The following SYN3 variants were observed in gnomAD, a reference collection of about 807,000 sequenced individuals.
The protein encoded by SYN3 is synapsin-3.
In SYN3, 35 loss-of-function variants were observed where a neutral mutation model predicts 65.8. The ratio of observed to expected loss-of-function variants is 0.53; its 90% CI spans 0.41 to 0.70. The LOEUF is 0.70. SYN3 is among the 30% of genes least tolerant of loss of function. The pLI, the probability that SYN3 is intolerant of heterozygous loss-of-function variation, is 0.00. For synonymous variants in SYN3, 270 were observed against 292.9 expected (o/e 0.92, Z 0.80); for missense variants, 680 against 749.0 (o/e 0.91, Z 1.08).
intron 7 of SYN3, among the ~76,000 whole-genome samples, chr22:32,560,129 G>A (rs772076604): frequency 2.0e-4 from 30 of 152,328 alleles, no homozygotes; most frequent in Admixed American, 5.2e-4. Context: ...CAGGGGAGAA[G>A]GAATGCAAGA....
chr22:32,765,378 T>G (rs1271989375), intron 6 of SYN3, among the ~76,000 whole-genome samples: 1 of 152,162 alleles, frequency 6.6e-6, no homozygotes, highest in Non-Finnish European at 1.5e-5. Flanking sequence ...TCCCGGGATA[T>G]CTCTGGCCAA....
At chr22:32,560,314 T>C (rs568090733) in intron 7 of SYN3, among the ~76,000 whole-genome samples, 1 of 152,370 alleles carries the variant, frequency 6.6e-6, no homozygotes, top group Admixed American at 6.5e-5. Context: ...CTTAGGCCTC[T>C]TGGTCGAATT....
chr22:32,617,860 C>G (rs533029605), intron 6 of SYN3, among the ~76,000 whole-genome samples: 1 of 151,582 alleles, frequency 6.6e-6, no homozygotes, highest in Middle Eastern at 3.2e-3. Flanking sequence ...TTGTCAGCTG[C>G]GAGTCTAGGT....
intron 1 of SYN3, among the ~76,000 whole-genome samples, chr22:33,009,105 A>G (rs2053282613): frequency 6.6e-6 from 1 of 152,142 alleles, no homozygotes. Flanking sequence ...GAATGGATGG[A>G]TGGATAAATT....
intron 3 of SYN3, among the ~76,000 whole-genome samples, chr22:32,937,921 T>A (rs1234352903): frequency 6.6e-6 from 1 of 151,902 alleles, no homozygotes; most frequent in African/African-American, 2.4e-5. Context: ...ATATGAGTAA[T>A]TAAAGTCTCA....
At chr22:32,823,616 A>T (rs949888653) in intron 6 of SYN3, among the ~76,000 whole-genome samples, 4 of 152,162 alleles carry the variant, frequency 2.6e-5, no homozygotes, top group Non-Finnish European at 5.9e-5. Flanking sequence ...TGCCAAGAGC[A>T]ACTTAGGGGG....
intron 9 of SYN3, among the ~76,000 whole-genome samples, chr22:32,534,916 T>C (rs963070432): frequency 5.9e-5 from 9 of 152,124 alleles, no homozygotes; most frequent in Admixed American, 5.9e-4. Flanking sequence ...TCTCCTTGAC[T>C]CCCAGTCCAG....
intron 4 of SYN3, among the ~76,000 whole-genome samples, chr22:32,892,012 C>G (rs906471553): frequency 6.8e-6 from 1 of 148,042 alleles, no homozygotes; most frequent in African/African-American, 2.5e-5. Flanking sequence ...TAATAAAAAG[C>G]TGGCTGGGCG....
chr22:32,589,960 C>A (rs1264335710), intron 7 of SYN3, among the ~76,000 whole-genome samples: 1 of 152,166 alleles, frequency 6.6e-6, no homozygotes, highest in Admixed American at 6.5e-5. Context: ...ATCATCTTTC[C>A]ATTCATAGAT....
At chr22:32,725,018 A>C (rs573220884) in intron 6 of SYN3, among the ~76,000 whole-genome samples, 2 of 152,232 alleles carry the variant, frequency 1.3e-5, no homozygotes, top group Non-Finnish European at 1.5e-5. Context: ...TACTTGGGAG[A>C]CTGAGGCAGG....
chr22:32,647,138 A>G (rs1280101359), intron 6 of SYN3, among the ~76,000 whole-genome samples: 1 of 152,106 alleles, frequency 6.6e-6, no homozygotes, highest in Non-Finnish European at 1.5e-5. Flanking sequence ...ATTCTATGTC[A>G]TGAGAAAACT....
At chr22:32,764,557 G>A (rs2045574358) in intron 6 of SYN3, among the ~76,000 whole-genome samples, 2 of 152,214 alleles carry the variant, frequency 1.3e-5, no homozygotes, top group Admixed American at 6.5e-5. Context: ...TGGCCTGGAA[G>A]AACACTGGGC....
intron 6 of SYN3, among the ~76,000 whole-genome samples, chr22:32,653,010 G>A (rs2060094371): frequency 6.6e-6 from 1 of 152,022 alleles, no homozygotes; most frequent in African/African-American, 2.4e-5. Flanking sequence ...TTCTTCTCTT[G>A]GCCTAGAGGC....
At chr22:32,849,216 G>A (rs534536383) in intron 6 of SYN3, among the ~76,000 whole-genome samples, 1 of 152,282 alleles carries the variant, frequency 6.6e-6, no homozygotes, top group African/African-American at 2.4e-5. Context: ...TTCTGGAGCT[G>A]GCAATTGTGA....
chr22:32,513,321 G>A lies in SYN3; in HGVS notation c.*371C>T, dbSNP rs1193583705. ...GGAGGTGGGGCAAGGCCTAGAGGGG[G>A]CCTTTGCCCAAAGGTGAGCCAAACA... On this transcript the variant is annotated 3_prime_UTR_variant, in exon 14 of 14. Transcript: ENST00000358763. 1 of 190,494 alleles carries A rather than the reference G, an allele frequency of 5.2e-6. No homozygotes were observed. Among genetic ancestry groups the A allele is most frequent in the Non-Finnish European group, 1.1e-5 (1 of 92,266 alleles). The allele number at this position is 190,494 out of a possible 1,614,324, so 11.8% of individuals were successfully genotyped here.
intron 6 of SYN3, among the ~76,000 whole-genome samples, chr22:32,814,019 C>T (rs738992): frequency 0.44 from 66,665 of 151,138 alleles, 15,380 homozygotes; most frequent in Admixed American, 0.55. Context: ...CAGCTCATTG[C>T]CTGATGTTAG....
intron 1 of SYN3, among the ~76,000 whole-genome samples, chr22:33,049,658 ATG>A (rs2054127195): frequency 6.6e-6 from 1 of 152,346 alleles, no homozygotes; most frequent in South Asian, 2.1e-4. Flanking sequence ...CTCTGGAAGC[ATG>A]CCTCTTAGTC....
At chr22:32,751,668 GAA>G (rs2045131514) in intron 6 of SYN3, among the ~76,000 whole-genome samples, 2 of 152,198 alleles carry the variant, frequency 1.3e-5, no homozygotes, top group African/African-American at 2.4e-5. Context: ...AGAACAGGAG[GAA>G]TAATGCCACT....
intron 7 of SYN3, among the ~76,000 whole-genome samples, chr22:32,586,749 G>A (rs965445146): frequency 6.6e-6 from 1 of 152,098 alleles, no homozygotes; most frequent in African/African-American, 2.4e-5. Flanking sequence ...AGGAATTTTT[G>A]CAAGTAGATG....
Sources: gnomAD v4.1 joint callset for allele counts (sites outside exome capture counted in the v4.1 genomes callset) on GRCh38, gnomAD v4.1.1 for gene constraint, MANE v1.5 for transcripts, NCBI Gene and HGNC (gene_info 2026-07-23, HGNC 2026-07-21) for gene names.